The following DHX34 variants were observed in gnomAD, a reference collection of about 807,000 sequenced individuals.
The protein encoded by DHX34 is DExH-box helicase 34, also known as probable ATP-dependent RNA helicase DHX34.
A neutral mutation model predicts 111.1 loss-of-function variants in DHX34; 96 were observed. The observed-to-expected ratio is 0.86, with a 90% CI of 0.73 to 1.02. DHX34 has a LOEUF of 1.02. Ranked by LOEUF, DHX34 falls within the 50% of genes least tolerant of loss-of-function variation. The probability of loss-of-function intolerance (pLI) is 0.00; values close to 1 mark genes in which losing one functional copy is unlikely to be tolerated. For synonymous variants in DHX34, 688 were observed against 670.4 expected, an observed-to-expected ratio of 1.03 and a Z score of -0.41; for missense variants, 1,560 against 1,579.9, an observed-to-expected ratio of 0.99 and a Z score of 0.21.
intron 14 of DHX34, 86 bp from the exon 15 acceptor site, chr19:47,380,730 A>AG: frequency 6.4e-7 from 1 of 1,573,064 alleles, no homozygotes; most frequent in Non-Finnish European, 8.6e-7. Flanking sequence ...AGCCCGAGGG[A>AG]GGGCTTCAGG....
At chr19:47,354,978 G>C in intron 2 of DHX34, 61 bp from the exon 3 acceptor site, 1 of 1,579,588 alleles carries the variant, frequency 6.3e-7, no homozygotes, top group Admixed American at 1.7e-5. Context: ...ATTTGGGCAG[G>C]GCCAGGGGCT....
intron 14 of DHX34, among the ~76,000 whole-genome samples, chr19:47,380,380 C>T (rs1970313968): frequency 6.6e-6 from 1 of 151,986 alleles, no homozygotes; most frequent in South Asian, 2.1e-4. Context: ...GTGGAAATTG[C>T]TCGTGGTTCT....
rs1969415485 is a variant in DHX34, at chr19:47,355,134, A to G, written c.801A>G (p.Glu267=). The G allele has an allele frequency of 6.2e-7, 1 of 1,613,972 alleles. No homozygotes were observed. The highest frequency in any genetic ancestry group is 8.5e-7 in the Non-Finnish European group (1 of 1,180,000). ...TGCTCCTGCGACAAATCCAGCGGGA[A>G]CCCAGCCTGCCCCAGTATGAGGTCC... ...VGLLLRQIQR[E]PSLPQYEVLI... Residue 267 remains glutamate, a synonymous_variant, in exon 3 of 17, where the codon GAA becomes GAG. Transcript: ENST00000328771.
intron 7 of DHX34, among the ~76,000 whole-genome samples, chr19:47,369,298 C>T (rs1024917386): frequency 6.6e-6 from 1 of 152,122 alleles, no homozygotes; most frequent in Non-Finnish European, 1.5e-5. Context: ...TGAGCCACTG[C>T]GCCCGGCCAA....
rs1049268889 is a variant in DHX34, at chr19:47,357,880, G to C, written c.1032G>C (p.Pro344=). 6.2e-7 allele frequency: 1 copy of C among 1,613,116 alleles called. No homozygotes were observed. The highest frequency in any genetic ancestry group is 8.5e-7 in the Non-Finnish European group (1 of 1,179,508). Residue 344 remains proline (P), a synonymous_variant, in exon 4 of 17, where the codon CCG becomes CCC. Transcript: ENST00000328771. The part of the protein sequence containing the change: ...RLFPITVVYQ[P]QEAEPTTSKS... ...TCTCCTCTCAGGTTGTGTACCAGCC[G>C]CAGGAGGCGGAGCCGACCACGTCCA...
Position 47,381,266 on chromosome 19 carries a change from C to G in DHX34, c.3240C>G (p.Pro1080=). The change falls in exon 16 of 17, where the codon CCC becomes CCG. Residue 1080 remains proline (P), a synonymous_variant. Coordinates refer to ENST00000328771, the MANE Select transcript of DHX34 (RefSeq NM_014681.6). Reference sequence around the variant, plus strand: ...GTGGCCTGCATGCGCCCCTCACGCCCCTGGAGCGCATCGCCCATGAGAACA... The same window carrying G: ...GTGGCCTGCATGCGCCCCTCACGCCGCTGGAGCGCATCGCCCATGAGAACA... ...PHCGLHAPLT[P]LERIAHENTC... 6.2e-7 allele frequency: 1 copy of G among 1,614,064 alleles called. No individual in the cohort carries two copies. The highest frequency in any genetic ancestry group is 8.5e-7 in the Non-Finnish European group (1 of 1,179,950).
intron 6 of DHX34, among the ~76,000 whole-genome samples, chr19:47,364,860 C>T (rs1969742544): frequency 6.6e-6 from 1 of 152,156 alleles, no homozygotes; most frequent in African/African-American, 2.4e-5. Flanking sequence ...AGTCAGGGCT[C>T]CATCCGAGGC....
chr19:47,359,672 C>T (rs573962606), intron 4 of DHX34, among the ~76,000 whole-genome samples: 1 of 152,164 alleles, frequency 6.6e-6, no homozygotes, highest in Non-Finnish European at 1.5e-5. Flanking sequence ...ATCCCAGCTG[C>T]TCGGGAGGCT....
At chr19:47,363,770 A>T (rs886712798) in intron 6 of DHX34, among the ~76,000 whole-genome samples, 57 of 148,978 alleles carry the variant, frequency 3.8e-4, no homozygotes, top group African/African-American at 1.1e-3. Flanking sequence ...GTGAGCCGAG[A>T]TCACACCACT....
intron 2 of DHX34, 144 bp from the exon 3 acceptor site, chr19:47,354,895 C>T: frequency 7.0e-7 from 1 of 1,426,936 alleles, no homozygotes; most frequent in Non-Finnish European, 9.3e-7. Flanking sequence ...CTCAGGTGAT[C>T]CGCCCGCCTC....
intron 14 of DHX34, among the ~76,000 whole-genome samples, 194 bp downstream of exon 14, chr19:47,380,179 G>A (rs1290739615): frequency 6.6e-6 from 1 of 152,214 alleles, no homozygotes; most frequent in African/African-American, 2.4e-5. Flanking sequence ...GATCCCAGGA[G>A]CCTGGTTCCA....
chr19:47,376,830 C>G lies in DHX34; in HGVS notation c.2599+270C>G. 5.2e-6 allele frequency: 8 copies of G among 1,529,914 alleles called. No homozygotes were observed. In the South Asian group the frequency reaches 8.5e-5, roughly 16 times the overall value. The allele number at this position is 1,529,914 out of a possible 1,614,324, so 94.8% of individuals were successfully genotyped here. On this transcript the variant is annotated intron_variant, in intron 12 of 16. Transcript: ENST00000328771. ...GTGAGCACCGGTCAGGGGGCCTGTC[C>G]TATGGACTCTGTGAGCTCCCAGGTG...
At chr19:47,372,527 A>G in intron 7 of DHX34, 1 of 879,364 alleles carries the variant, frequency 1.1e-6, no homozygotes, top group Non-Finnish European at 1.4e-6. Flanking sequence ...AAATGGGGAA[A>G]CTGAGGCCCT....
In DHX34 at chr19:47,382,332, G is replaced by C; in HGVS notation, c.*219G>C. ...CCAGAAAGCAGCAGCTGCCTTGTTA[G>C]TCCTCCCCAGGGTCTAGCTTTCCTT... is the stretch of plus-strand genomic sequence containing the variant. On this transcript the variant is annotated 3_prime_UTR_variant, in exon 17 of 17. Transcript: ENST00000328771. 1.2e-6 allele frequency: 1 copy of C among 801,100 alleles called. No homozygotes were observed. The highest frequency in any genetic ancestry group is 1.9e-6 in the Non-Finnish European group (1 of 540,524). The allele number at this position is 801,100 out of a possible 1,614,324, so 49.6% of individuals were successfully genotyped here.
chr19:47,355,994 T>C (rs1055428927), intron 3 of DHX34, among the ~76,000 whole-genome samples: 2 of 152,194 alleles, frequency 1.3e-5, no homozygotes, highest in Non-Finnish European at 2.9e-5. Context: ...TTGTCATTAC[T>C]CTGCCATCTC....
Position 47,355,321 on chromosome 19 carries a change from C to T in DHX34, c.988C>T (p.Gln330Ter). The change falls in exon 3 of 17, where the codon CAG becomes TAG. Residue 330 changes from glutamine (Q) to a stop codon, truncating the protein, a stop_gained. Transcript: ENST00000328771. LOFTEE classifies it high-confidence loss of function. ...SSYFSNAPVVQVPGRLFPITV... is the reference protein window; with the variant it reads ...SSYFSNAPVV ...CTATTTCAGCAATGCCCCTGTGGTA[C>T]AGGTGCCTGGGAGGCTGTTCCCCAT... 1 of 1,613,792 alleles carries T rather than the reference C, an allele frequency of 6.2e-7. No individual in the cohort carries two copies. The highest frequency in any genetic ancestry group is 8.5e-7 in the Non-Finnish European group (1 of 1,179,674).
In DHX34 at chr19:47,380,900, C is replaced by T; in HGVS notation, c.3067C>T (p.Leu1023Phe). 1 of 1,613,618 alleles carries T rather than the reference C, an allele frequency of 6.2e-7. No individual in the cohort carries two copies. Among genetic ancestry groups the T allele is most frequent in the Admixed American group, 1.7e-5 (1 of 59,962 alleles). Residue 1023 changes from leucine to phenylalanine, a missense_variant, in exon 15 of 17, where the codon CTT (leucine) becomes TTT (phenylalanine). Leu to Phe is a conservative substitution (Grantham distance 22). Transcript: ENST00000328771. ...CCAGACCATCCCAGCCACCCCCCAT[C>T]TTCCTGGCCTCTTTGGCAGCTCCAC... ...GPQTIPATPH[L>F]PGLFGSSTLS...
At chr19:47,365,291 G>A (rs1468349735) in intron 6 of DHX34, among the ~76,000 whole-genome samples, 5 of 151,514 alleles carry the variant, frequency 3.3e-5, no homozygotes, top group East Asian at 1.9e-4. Context: ...TCACTCTGTC[G>A]CCCAGGCTGG....
At chr19:47,370,219 C>T (rs1441376928) in intron 7 of DHX34, among the ~76,000 whole-genome samples, 3 of 152,156 alleles carry the variant, frequency 2.0e-5, no homozygotes, top group African/African-American at 7.2e-5. Context: ...CTTGGATTCC[C>T]CAGCACTTGG....
Sources: allele counts gnomAD v4.1 joint callset (sites outside exome capture counted in the v4.1 genomes callset), GRCh38; gene constraint gnomAD v4.1.1; transcripts MANE v1.5; gene names NCBI Gene and HGNC (gene_info 2026-07-23, HGNC 2026-07-21).